Variants in PTPRF observed in about 807,000 individuals in gnomAD.
PTPRF encodes the protein protein tyrosine phosphatase receptor type F, also known as receptor-type tyrosine-protein phosphatase F.
Under a neutral mutation model 201.8 loss-of-function variants are expected in PTPRF, and 59 were observed. That is an observed-to-expected ratio of 0.29 (90% confidence interval 0.24 to 0.36). The LOEUF is 0.36. PTPRF is among the 10% of genes least tolerant of loss of function. The pLI, the probability that PTPRF is intolerant of heterozygous loss-of-function variation, is 1.00. For missense variants in PTPRF, 2,132 were observed against 2,690.5 expected (o/e 0.79, Z 4.59); for synonymous variants, 1,088 against 1,089.7 (o/e 1.00, Z 0.03).
chr1:43,613,764 A>C, intron 23 of PTPRF, 49 bp downstream of exon 23: 7 of 1,492,982 alleles, frequency 4.7e-6, no homozygotes, highest in Non-Finnish European at 6.5e-6. Flanking sequence ...GCCTACCCAA[A>C]CCAGCTCCTG....
chr1:43,618,436 A>G (rs969659294), intron 25 of PTPRF, among the ~76,000 whole-genome samples, 194 bp from the exon 26 acceptor site: 1 of 152,190 alleles, frequency 6.6e-6, no homozygotes, highest in African/African-American at 2.4e-5. Flanking sequence ...TCCACTAGCT[A>G]GGGCAGGGCG....
Position 43,591,188 on chromosome 1 carries a change from T to C in PTPRF, c.1166T>C (p.Val389Ala). The C allele has an allele frequency of 6.2e-7, 1 of 1,610,958 alleles. No individual in the cohort carries two copies. Residue 389 changes from valine (V) to alanine (A), a missense_variant, in exon 9 of 34, where the codon GTG becomes GCG. By Grantham distance (64) the Val-to-Ala change is moderately conservative. This residue lies in a region of PTPRF where 351 missense variants were observed against 401.7 expected (regional missense o/e 0.87). Coordinates refer to ENST00000359947, the MANE Select transcript of PTPRF (RefSeq NM_002840.5). The stretch of plus-strand genomic sequence containing the variant: ...CCTTTCTCGGAATATGCCTTCCGCG[T>C]GCTGGCGGTGAACAGCATCGGGCGA... ...LSPFSEYAFR[V>A]LAVNSIGRGP...
Position 43,537,991 on chromosome 1 carries a change from G to A in PTPRF, c.-125-207G>A, listed in dbSNP as rs1403092143. ...TGGAAGGACGCCCAGCACATAGTAGGTGCTTAGGGAGTATCAAAATGAATG... is the reference window on the plus strand; with the variant it reads ...TGGAAGGACGCCCAGCACATAGTAGATGCTTAGGGAGTATCAAAATGAATG... On this transcript the variant is annotated intron_variant, in intron 1 of 33. Transcript: ENST00000359947. This position sits in a 1 kb window ranked among gnomAD's most constrained non-coding sequence, Gnocchi z 4.8. Among the ~76,000 whole-genome samples, 1 of 152,170 alleles carries A rather than the reference G, an allele frequency of 6.6e-6. No individual in the cohort carries two copies. The highest frequency in any genetic ancestry group is 1.5e-5 in the Non-Finnish European group (1 of 68,030).
At chr1:43,580,139 G>T (rs1420127179) in intron 7 of PTPRF, 1 of 152,006 alleles carries the variant, frequency 6.6e-6, no homozygotes, top group Non-Finnish European at 1.5e-5. Context: ...TTGCAGTGAT[G>T]ATTCCATCAC....
intron 11 of PTPRF, among the ~76,000 whole-genome samples, chr1:43,595,754 G>A (rs1347057517): frequency 6.6e-6 from 1 of 152,212 alleles, no homozygotes; most frequent in Middle Eastern, 3.4e-3. Flanking sequence ...CGGTGGGGGG[G>A]TTGTAGCAAG....
chr1:43,595,553 G>A (rs537938099), intron 11 of PTPRF, among the ~76,000 whole-genome samples: 3 of 152,164 alleles, frequency 2.0e-5, no homozygotes, highest in Non-Finnish European at 4.4e-5. Context: ...AAAATTTCAA[G>A]CATATTTAAA....
chr1:43,553,376 A>C lies in PTPRF; in HGVS notation c.92-116A>C. On this transcript the variant is annotated intron_variant, in intron 3 of 33. Coordinates refer to ENST00000359947, the MANE Select transcript of PTPRF (RefSeq NM_002840.5). This position sits in a 1 kb window ranked among gnomAD's most constrained non-coding sequence, Gnocchi z 4.1. ...ACATACTAAGCGCTACATAAAGGTG[A>C]GGTGTCCTTGTTTTCTTTGTAGGTC... 8.6e-7 allele frequency: 1 copy of C among 1,162,538 alleles called. No individual in the cohort carries two copies. 72.0% of individuals were successfully genotyped at this position (1,162,538 alleles called of 1,614,324 possible).
At position 43,606,974 on chromosome 1, in the gene PTPRF, C is replaced by T; in HGVS notation, c.3857+6C>T. 6.2e-7 allele frequency: 1 copy of T among 1,613,490 alleles called. No individual in the cohort carries two copies. The highest frequency in any genetic ancestry group is 8.5e-7 in the Non-Finnish European group (1 of 1,179,800). On this transcript the variant is annotated splice_donor_region_variant and intron_variant, in intron 21 of 33. Coordinates refer to ENST00000359947, the MANE Select transcript of PTPRF (RefSeq NM_002840.5). ...GCCATCCTCTTGTTCAAAAGGTGAGCACTGCCCTCAGAGCTCCGGGAACGG... is the reference window on the plus strand; with the variant it reads ...GCCATCCTCTTGTTCAAAAGGTGAGTACTGCCCTCAGAGCTCCGGGAACGG...
intron 13 of PTPRF, 83 bp downstream of exon 13, chr1:43,598,996 C>T: frequency 2.8e-6 from 4 of 1,432,144 alleles, no homozygotes; most frequent in Non-Finnish European, 3.8e-6. Context: ...AGATATGTCC[C>T]TCTTCCCCTG....
At chr1:43,618,372 A>G (rs1358059747) in intron 25 of PTPRF, among the ~76,000 whole-genome samples, 1 of 152,204 alleles carries the variant, frequency 6.6e-6, no homozygotes, top group Non-Finnish European at 1.5e-5. Context: ...TTGGCAGAAA[A>G]TGTGCCTGGT....
intron 3 of PTPRF, among the ~76,000 whole-genome samples, chr1:43,545,884 C>A (rs1170776102): frequency 6.6e-6 from 1 of 152,202 alleles, no homozygotes; most frequent in Non-Finnish European, 1.5e-5. Flanking sequence ...CTGCCCTTCC[C>A]CCTGCCTGGC....
At position 43,603,749 on chromosome 1, in the gene PTPRF, A is replaced by G; in HGVS notation, c.2597A>G (p.Asn866Ser). The G allele has an allele frequency of 6.2e-7, 1 of 1,613,970 alleles. No individual in the cohort carries two copies. The highest frequency in any genetic ancestry group is 1.1e-5 in the South Asian group (1 of 91,082). ...QYCRADEARP[N>S]TIDFGKDDQH... ...TGCCGGGCCGACGAGGCGCGGCCCAACACCATAGATTTCGGCAAGGATGAC... is the reference window on the plus strand; with the variant it reads ...TGCCGGGCCGACGAGGCGCGGCCCAGCACCATAGATTTCGGCAAGGATGAC... Residue 866 changes from asparagine to serine, a missense_variant, in exon 16 of 34, where the codon AAC becomes AGC. Asn to Ser is a conservative substitution (Grantham distance 46). This residue lies in a region of PTPRF where 818 missense variants were observed against 915.3 expected (regional missense o/e 0.89). Coordinates refer to ENST00000359947, the MANE Select transcript of PTPRF (RefSeq NM_002840.5). This position sits in a 1 kb window ranked among gnomAD's most constrained non-coding sequence, Gnocchi z 5.8.
chr1:43,576,053 T>C (rs1646906304), intron 6 of PTPRF: 2 of 867,904 alleles, frequency 2.3e-6, no homozygotes, highest in Admixed American at 4.6e-5. Context: ...CATCTCCAGC[T>C]CCAGCACCCC....
At chr1:43,562,656 C>T (rs1165627317) in intron 5 of PTPRF, among the ~76,000 whole-genome samples, 1 of 151,830 alleles carries the variant, frequency 6.6e-6, no homozygotes, top group East Asian at 2.0e-4. Context: ...AAGTGATTTG[C>T]CCGTTTTGGC....
chr1:43,541,739 C>A (rs559946217), intron 2 of PTPRF, among the ~76,000 whole-genome samples: 8 of 152,286 alleles, frequency 5.3e-5, no homozygotes, highest in African/African-American at 1.7e-4. Flanking sequence ...TTTACACTGA[C>A]GTAGCAAAGG....
chr1:43,529,315 ACT>A (rs3840455), upstream of PTPRF, among the ~76,000 whole-genome samples: 192 of 152,292 alleles, frequency 1.3e-3, 1 homozygote, highest in East Asian at 1.9e-3. Flanking sequence ...GCGCACACGC[ACT>A]GTTTGTGAAT....
At chr1:43,528,052 C>A (rs1643193238), upstream of PTPRF, among the ~76,000 whole-genome samples, 1 of 152,220 alleles carries the variant, frequency 6.6e-6, no homozygotes, top group Non-Finnish European at 1.5e-5. Flanking sequence ...CTGCAAGGAA[C>A]TGCTGTCCAC....
chr1:43,597,709 C>T (rs969257303), intron 11 of PTPRF, 39 bp from the exon 12 acceptor site: 11 of 1,331,048 alleles, frequency 8.3e-6, no homozygotes, highest in Non-Finnish European at 1.0e-5. Context: ...TGATCCCCAC[C>T]CTCCATCTGC....
chr1:43,604,951 T>A lies in PTPRF; in HGVS notation c.3086T>A (p.Leu1029Gln). The change falls in exon 17 of 34, where the codon CTG becomes CAG. Residue 1029 changes from leucine to glutamine, a missense_variant. Transcript: ENST00000359947. ...GCGGCTGCAATGAAGACGTCTGTGC[T>A]GCTCAGCTGGGAGGTTCCCGACTCC... Reference protein sequence around the residue: ...RVAAAMKTSVLLSWEVPDSYK... With the variant: ...RVAAAMKTSVQLSWEVPDSYK... 1 of 1,614,206 alleles carries A rather than the reference T, an allele frequency of 6.2e-7. No homozygotes were observed. The highest frequency in any genetic ancestry group is 8.5e-7 in the Non-Finnish European group (1 of 1,180,050).
Sources: allele counts gnomAD v4.1 joint callset (sites outside exome capture counted in the v4.1 genomes callset), GRCh38; gene constraint gnomAD v4.1.1; regional missense constraint gnomAD v4.1.1; non-coding constraint Gnocchi (gnomAD v3.1); transcripts MANE v1.5; gene names NCBI Gene and HGNC (gene_info 2026-07-23, HGNC 2026-07-21).